DPP10: variants seen among roughly 807,000 people sequenced by gnomAD.
DPP10 encodes inactive dipeptidyl peptidase 10.
Under a neutral mutation model 120.9 loss-of-function variants are expected in DPP10, and 33 were observed. The observed-to-expected ratio is 0.27, with a 90% CI of 0.21 to 0.37. DPP10 has a LOEUF of 0.37. DPP10 is among the 10% of genes least tolerant of loss of function. DPP10 has a pLI of 1.00. For missense variants in DPP10, 816 were observed against 942.8 expected, an observed-to-expected ratio of 0.87 and a Z score of 1.76; for synonymous variants, 337 against 326.1, an observed-to-expected ratio of 1.03 and a Z score of -0.36.
At chr2:114,915,924 G>T (rs1694767438) in intron 1 of DPP10, among the ~76,000 whole-genome samples, 1 of 151,946 alleles carries the variant, frequency 6.6e-6, no homozygotes, top group Non-Finnish European at 1.5e-5. Flanking sequence ...AACATCATAT[G>T]TAGAGGAACT....
chr2:115,436,440 G>A (rs1484591606), intron 3 of DPP10, among the ~76,000 whole-genome samples: 11 of 151,584 alleles, frequency 7.3e-5, no homozygotes, highest in Non-Finnish European at 1.6e-4. Flanking sequence ...CAACTGAGAA[G>A]TGTTATACTG....
At chr2:115,206,319 A>G (rs180898533) in intron 1 of DPP10, among the ~76,000 whole-genome samples, 1 of 152,306 alleles carries the variant, frequency 6.6e-6, no homozygotes, top group East Asian at 1.9e-4. Context: ...CTATAGCACC[A>G]TAAATTAGCA....
intron 4 of DPP10, among the ~76,000 whole-genome samples, chr2:115,518,980 C>G (rs2077651273): frequency 6.6e-6 from 1 of 151,974 alleles, no homozygotes; most frequent in Non-Finnish European, 1.5e-5. Context: ...ATCATTAGAC[C>G]AGCACAAACT....
At chr2:114,652,933 G>C (rs1452643487) in intron 1 of DPP10, among the ~76,000 whole-genome samples, 2 of 151,110 alleles carry the variant, frequency 1.3e-5, no homozygotes, top group Non-Finnish European at 2.9e-5. Flanking sequence ...CACCCATCTA[G>C]ATGCCAGGCT....
At chr2:115,228,505 C>G (rs1002506727) in intron 1 of DPP10, among the ~76,000 whole-genome samples, 1 of 152,050 alleles carries the variant, frequency 6.6e-6, no homozygotes, top group Non-Finnish European at 1.5e-5. Flanking sequence ...CTTCAATCCC[C>G]CCTCCAGCCA....
intron 1 of DPP10, chr2:115,161,088 A>T (rs575538387): frequency 3.9e-5 from 6 of 152,226 alleles, no homozygotes; most frequent in Non-Finnish European, 8.8e-5. Flanking sequence ...TACAGTTCTT[A>T]TGGTTTTTAA....
At chr2:115,157,835 T>C (rs147189167) in intron 1 of DPP10, among the ~76,000 whole-genome samples, 2 of 152,294 alleles carry the variant, frequency 1.3e-5, no homozygotes, top group East Asian at 3.9e-4. Flanking sequence ...CTGTGCTCAT[T>C]ATAGACACTC....
chr2:114,789,657 A>T (rs1683076935), intron 1 of DPP10, among the ~76,000 whole-genome samples: 1 of 152,222 alleles, frequency 6.6e-6, no homozygotes, highest in Admixed American at 6.5e-5. Flanking sequence ...TACGTGAGGT[A>T]TGGAAAGAGA....
At chr2:114,787,210 G>A (rs1394827694) in intron 1 of DPP10, among the ~76,000 whole-genome samples, 1 of 152,190 alleles carries the variant, frequency 6.6e-6, no homozygotes, top group Non-Finnish European at 1.5e-5. Context: ...CAAGTTTCCA[G>A]CCTTGCAAAT....
At chr2:115,107,601 T>C (rs1454740273) in intron 1 of DPP10, among the ~76,000 whole-genome samples, 1 of 151,892 alleles carries the variant, frequency 6.6e-6, no homozygotes, top group African/African-American at 2.4e-5. Context: ...AAATAGAAGA[T>C]AGATAGATAG....
At chr2:115,274,263 A>C (rs2105829889) in intron 1 of DPP10, among the ~76,000 whole-genome samples, 1 of 152,326 alleles carries the variant, frequency 6.6e-6, no homozygotes, top group African/African-American at 2.4e-5. Context: ...TATCATTAAA[A>C]GTGAATTGAA....
intron 1 of DPP10, among the ~76,000 whole-genome samples, chr2:114,694,356 A>G (rs1264779893): frequency 6.6e-6 from 1 of 151,930 alleles, no homozygotes; most frequent in Non-Finnish European, 1.5e-5. Context: ...CTTACAATTT[A>G]TGTTCTTATA....
chr2:114,709,066 C>T (rs572573716), intron 1 of DPP10, among the ~76,000 whole-genome samples: 1 of 152,198 alleles, frequency 6.6e-6, no homozygotes, highest in Non-Finnish European at 1.5e-5. Flanking sequence ...CCATTGCTTA[C>T]TCTTTCACTG....
At chr2:115,145,999 T>C (rs188033285) in intron 1 of DPP10, among the ~76,000 whole-genome samples, 3 of 152,262 alleles carry the variant, frequency 2.0e-5, no homozygotes, top group South Asian at 2.1e-4. Context: ...CTAGGCACTA[T>C]GCAGAGTACT....
At chr2:115,000,578 T>C (rs370794488) in intron 1 of DPP10, among the ~76,000 whole-genome samples, 5 of 152,312 alleles carry the variant, frequency 3.3e-5, no homozygotes, top group African/African-American at 9.6e-5. Flanking sequence ...ACCCACTCCA[T>C]TGCTCATAAA....
intron 1 of DPP10, among the ~76,000 whole-genome samples, chr2:114,531,369 T>TTGA (rs1054122731): frequency 2.0e-5 from 3 of 151,842 alleles, no homozygotes; most frequent in Non-Finnish European, 4.4e-5. Flanking sequence ...GAATCCTTTC[T>TTGA]TGATGATGAT....
intron 1 of DPP10, among the ~76,000 whole-genome samples, chr2:114,869,961 A>T (rs1690556299): frequency 6.6e-6 from 1 of 152,154 alleles, no homozygotes. Flanking sequence ...ACGTTTCTAG[A>T]TTTGAACCCT....
intron 1 of DPP10, among the ~76,000 whole-genome samples, chr2:115,121,724 A>C (rs1337943152): frequency 6.6e-6 from 1 of 152,176 alleles, no homozygotes; most frequent in African/African-American, 2.4e-5. Context: ...GTGGGCTTGC[A>C]GAGCAGCCAG....
At chr2:115,596,987 C>A (rs997646617) in intron 5 of DPP10, among the ~76,000 whole-genome samples, 3 of 152,078 alleles carry the variant, frequency 2.0e-5, no homozygotes, top group African/African-American at 7.2e-5. Flanking sequence ...AGTGGAGCCC[C>A]TTGGTGAATA....
Sources: gnomAD v4.1 joint callset for allele counts (sites outside exome capture counted in the v4.1 genomes callset) on GRCh38, gnomAD v4.1.1 for gene constraint, MANE v1.5 for transcripts, NCBI Gene and HGNC (gene_info 2026-07-23, HGNC 2026-07-21) for gene names.